The following OLA1 variants were observed in gnomAD, a reference collection of about 807,000 sequenced individuals.
OLA1 encodes obg-like ATPase 1.
In OLA1, 14 loss-of-function variants were observed where a neutral mutation model predicts 48.4. That is an observed-to-expected ratio of 0.29 (90% CI 0.19 to 0.45). The LOEUF (loss-of-function observed/expected upper bound fraction) is 0.45, where lower values mean the gene tolerates loss of function less well. Ranked by LOEUF, OLA1 falls within the 20% of genes least tolerant of loss-of-function variation. OLA1 has a pLI of 1.00. For synonymous variants in OLA1, 127 were observed against 150.4 expected (o/e 0.84, Z 1.14); for missense variants, 325 against 467.1 (o/e 0.70, Z 2.80).
chr2:174,229,279 C>T, intron 3 of OLA1, 29 bp downstream of exon 3: 1 of 1,606,112 alleles, frequency 6.2e-7, no homozygotes, highest in African/African-American at 1.3e-5. Context: ...CACAAAATCA[C>T]CAAATAAATA....
intron 5 of OLA1, among the ~76,000 whole-genome samples, chr2:174,137,656 T>C (rs957852567): frequency 5.3e-5 from 8 of 152,246 alleles, no homozygotes; most frequent in African/African-American, 1.9e-4. Context: ...CACTTGCTGC[T>C]TCACCTTGCA....
At chr2:174,216,259 T>C (rs1379442741) in intron 4 of OLA1, among the ~76,000 whole-genome samples, 1 of 152,094 alleles carries the variant, frequency 6.6e-6, no homozygotes, top group African/African-American at 2.4e-5. Flanking sequence ...GCTATGATTG[T>C]ACCACTGCAC....
rs779915056 is a variant in OLA1 at position 174,092,936 on chromosome 2, G to A, written c.729-10872C>T. ...ACCTACTACAATTCAAGTCTGAACC[G>A]TCAAGCTACTAACCACCTCAAGGTT... On this transcript the variant is annotated intron_variant, in intron 7 of 10. Transcript: ENST00000284719. Among the ~76,000 whole-genome samples, 23 of 152,230 alleles carry A rather than the reference G, an allele frequency of 1.5e-4. No individual in the cohort carries two copies. The Middle Eastern group carries it at 0.01, about 68-fold the overall frequency.
chr2:174,230,732 C>A (rs967789025), intron 2 of OLA1, among the ~76,000 whole-genome samples: 10 of 152,158 alleles, frequency 6.6e-5, no homozygotes, highest in Non-Finnish European at 1.2e-4. Context: ...ATTTCTTCAA[C>A]AGGTCATCTG....
At chr2:174,205,155 C>T (rs1380583597) in intron 4 of OLA1, among the ~76,000 whole-genome samples, 1 of 152,206 alleles carries the variant, frequency 6.6e-6, no homozygotes, top group African/African-American at 2.4e-5. Flanking sequence ...CCTGGTATAG[C>T]TGTTACCCTG....
intron 4 of OLA1, among the ~76,000 whole-genome samples, chr2:174,215,688 CACTT>C (rs1324206985): frequency 6.6e-6 from 1 of 152,188 alleles, no homozygotes; most frequent in Non-Finnish European, 1.5e-5. Context: ...AACTTAGACA[CACTT>C]ACAGACCATA....
At chr2:174,151,703 T>G (rs975566974) in intron 4 of OLA1, among the ~76,000 whole-genome samples, 1 of 152,246 alleles carries the variant, frequency 6.6e-6, no homozygotes, top group Non-Finnish European at 1.5e-5. Context: ...TCTAGCTCAT[T>G]AATATTTCAA....
At chr2:174,189,885 C>T (rs1414812300) in intron 4 of OLA1, among the ~76,000 whole-genome samples, 4 of 144,706 alleles carry the variant, frequency 2.8e-5, no homozygotes, top group Admixed American at 2.8e-4. Context: ...AAACAAAACA[C>T]ACACACACAC....
In OLA1 at chr2:174,229,373, A is replaced by T; in HGVS notation, c.180T>A (p.Asn60Lys). 6.2e-7 allele frequency: 1 copy of T among 1,612,742 alleles called. No individual in the cohort carries two copies. The highest frequency in any genetic ancestry group is 8.5e-7 in the Non-Finnish European group (1 of 1,179,166). The change falls in exon 3 of 11, where the codon AAT (asparagine) becomes AAA (lysine). Residue 60 changes from asparagine to lysine, a missense_variant. Coordinates refer to ENST00000284719, the MANE Select transcript of OLA1 (RefSeq NM_013341.5). ...CATCTGGCACAGGTACTCTGCTCTCATTAGGATCAATAGTGCAGAACGGGA... is the reference window on the plus strand; with the variant it reads ...CATCTGGCACAGGTACTCTGCTCTCTTTAGGATCAATAGTGCAGAACGGGA... ...ENFPFCTIDP[N>K]ESRVPVPDER...
chr2:174,156,025 C>G (rs766262741), intron 4 of OLA1, among the ~76,000 whole-genome samples: 4 of 152,138 alleles, frequency 2.6e-5, no homozygotes, highest in Non-Finnish European at 4.4e-5. Flanking sequence ...TACACAATAA[C>G]AGTACCTACC....
chr2:174,077,655 T>C (rs1302812538), intron 10 of OLA1, among the ~76,000 whole-genome samples: 2 of 152,016 alleles, frequency 1.3e-5, no homozygotes, highest in Non-Finnish European at 2.9e-5. Flanking sequence ...ATAAAGTTTC[T>C]CTCAATTGTT....
chr2:174,179,808 T>G (rs1449063110), intron 4 of OLA1, among the ~76,000 whole-genome samples: 1 of 152,098 alleles, frequency 6.6e-6, no homozygotes, highest in African/African-American at 2.4e-5. Context: ...TAGACAGTAG[T>G]GAAGCTATAA....
chr2:174,148,605 G>A (rs1378201212), intron 4 of OLA1, among the ~76,000 whole-genome samples: 1 of 152,154 alleles, frequency 6.6e-6, no homozygotes, highest in Non-Finnish European at 1.5e-5. Flanking sequence ...TCACAACAAA[G>A]TACTCTTTTC....
In OLA1 at chr2:174,074,743, T is replaced by C. The variant is rs1282823009; in HGVS notation, c.*683A>G. 2 of 152,578 alleles carry C rather than the reference T, an allele frequency of 1.3e-5. No homozygotes were observed. The highest frequency in any genetic ancestry group is 3.8e-4 in the East Asian group (2 of 5,206). The allele number at this position is 152,578 out of a possible 1,614,324, so 9.5% of individuals were successfully genotyped here. ...TCTTTGTGGTCAGTCACCTATCTCA[T>C]ATCCCTCATAATATCATTGCTATCA... On this transcript the variant is annotated 3_prime_UTR_variant, in exon 11 of 11. Coordinates refer to ENST00000284719, the MANE Select transcript of OLA1 (RefSeq NM_013341.5).
At chr2:174,243,826 T>G (rs1283857405) in intron 2 of OLA1, among the ~76,000 whole-genome samples, 3 of 152,130 alleles carry the variant, frequency 2.0e-5, no homozygotes, top group African/African-American at 7.2e-5. Flanking sequence ...AAAGTAAGCC[T>G]TCCTATTCAC....
intron 4 of OLA1, among the ~76,000 whole-genome samples, chr2:174,176,461 CA>C (rs1442607210): frequency 2.0e-5 from 3 of 151,988 alleles, no homozygotes; most frequent in Non-Finnish European, 4.4e-5. Context: ...GAAAAAATAT[CA>C]ATTTAAAATA....
chr2:174,082,958 C>G (rs886773820), intron 7 of OLA1, among the ~76,000 whole-genome samples: 2 of 151,966 alleles, frequency 1.3e-5, no homozygotes, highest in African/African-American at 4.8e-5. Flanking sequence ...AGTTTCCTCA[C>G]TTGTAAAAAT....
intron 2 of OLA1, among the ~76,000 whole-genome samples, chr2:174,236,070 C>G (rs1407847364): frequency 6.6e-6 from 1 of 151,888 alleles, no homozygotes; most frequent in Non-Finnish European, 1.5e-5. Context: ...AAATGCCATA[C>G]CGAGGTCCAA....
intron 4 of OLA1, among the ~76,000 whole-genome samples, chr2:174,175,893 A>C (rs1025775100): frequency 2.0e-5 from 3 of 152,086 alleles, no homozygotes; most frequent in Non-Finnish European, 4.4e-5. Context: ...ATATGAATGA[A>C]TATCAAAAAC....
Sources: allele counts gnomAD v4.1 joint callset (sites outside exome capture counted in the v4.1 genomes callset), GRCh38; gene constraint gnomAD v4.1.1; transcripts MANE v1.5; gene names NCBI Gene and HGNC (gene_info 2026-07-23, HGNC 2026-07-21).